Variants in GLE1 observed in about 807,000 individuals in gnomAD.
The protein encoded by GLE1 is GLE1 RNA export mediator, also known as mRNA export factor GLE1.
A neutral mutation model predicts 97.3 loss-of-function variants in GLE1; 78 were observed. The observed-to-expected ratio is 0.80, with a 90% CI of 0.67 to 0.97. The LOEUF is 0.97. Ranked by LOEUF, GLE1 falls within the 50% of genes least tolerant of loss-of-function variation. GLE1 has a pLI of 0.00. For synonymous variants in GLE1, 302 were observed against 313.4 expected, an observed-to-expected ratio of 0.96 and a Z score of 0.39; for missense variants, 753 against 857.5, an observed-to-expected ratio of 0.88 and a Z score of 1.52.
At chr9:128,532,641 T>C in intron 9 of GLE1, 2 of 882,868 alleles carry the variant, frequency 2.3e-6, no homozygotes, top group Non-Finnish European at 2.7e-6. Context: ...CTGTCCTCTC[T>C]ACATCTCCAT....
intron 11 of GLE1, among the ~76,000 whole-genome samples, chr9:128,535,436 C>T (rs1042002829): frequency 1.3e-5 from 2 of 148,800 alleles, no homozygotes; most frequent in Non-Finnish European, 3.0e-5. Context: ...GCAGGAAAAT[C>T]GCTTGTACCC....
chr9:128,533,629 C>A lies in GLE1; in HGVS notation c.1429C>A (p.Gln477Lys). The A allele has an allele frequency of 6.2e-7, 1 of 1,614,008 alleles. No individual in the cohort carries two copies. Among genetic ancestry groups the A allele is most frequent in the South Asian group, 1.1e-5 (1 of 91,070 alleles). ...TLNPQGLDFV[Q>K]YKLAEKFVKQ... is the part of the protein sequence containing the mutation. Reference sequence around the variant, plus strand: ...TAACCCACAGGGGCTGGACTTTGTTCAATACAAACTGGCAGAGAAATTTGT... The same window carrying A: ...TAACCCACAGGGGCTGGACTTTGTTAAATACAAACTGGCAGAGAAATTTGT... Residue 477 changes from glutamine to lysine, a missense_variant, in exon 10 of 16, where the codon CAA becomes AAA. Gln to Lys is a moderately conservative substitution (Grantham distance 53, BLOSUM62 1). Transcript: ENST00000309971.
In GLE1 at chr9:128,515,636, A is replaced by T; in HGVS notation, c.429A>T (p.Gly143=). ...ACGAACTGGTACACAGAATGAAAGG[A>T]ACAGTAAGTGAACCCATGAAGGAAG... The part of the protein sequence containing the change: ...RMYELVHRMK[G]TEGLRLWQEE... Residue 143 remains glycine (G), a synonymous_variant, in exon 3 of 16, where the codon GGA becomes GGT. Coordinates refer to ENST00000309971, the MANE Select transcript of GLE1 (RefSeq NM_001003722.2). 6.5e-7 allele frequency: 1 copy of T among 1,534,700 alleles called. No homozygotes were observed. Among genetic ancestry groups the T allele is most frequent in the South Asian group, 1.1e-5 (1 of 89,498 alleles).
At position 128,504,811 on chromosome 9, in the gene GLE1, G is replaced by T. The variant is rs1846592832; in HGVS notation, c.6G>T (p.Pro2=). 3 of 1,608,890 alleles carry T rather than the reference G, an allele frequency of 1.9e-6. No homozygotes were observed. The highest frequency in any genetic ancestry group is 2.2e-5 in the East Asian group (1 of 44,856). The part of the protein sequence containing the change: M[P]SEGRCWETLK... Reference sequence around the variant, plus strand: ...AAGCTGCCCCTTAGCCAACCATGCCGTCTGAGGGTCGCTGCTGGGAGACCT... The same window carrying T: ...AAGCTGCCCCTTAGCCAACCATGCCTTCTGAGGGTCGCTGCTGGGAGACCT... The change falls in exon 1 of 16, where the codon CCG becomes CCT. Residue 2 remains proline (P), a synonymous_variant. Transcript: ENST00000309971.
chr9:128,520,681 CT>C (rs1034705233), intron 3 of GLE1, among the ~76,000 whole-genome samples: 7 of 151,378 alleles, frequency 4.6e-5, no homozygotes, highest in Middle Eastern at 3.4e-3. Flanking sequence ...TCGTCTGCTT[CT>C]CACACACATC....
intron 1 of GLE1, 74 bp downstream of exon 1, chr9:128,504,978 C>T (rs540114876): frequency 2.1e-6 from 2 of 964,966 alleles, no homozygotes; most frequent in East Asian, 2.4e-5. Flanking sequence ...GCCGTTGGCA[C>T]GTTCTGCTCC....
rs762869304 is a variant in GLE1 at position 128,504,834 on chromosome 9, C to A, written c.29C>A (p.Thr10Asn). 1 of 1,612,842 alleles carries A rather than the reference C, an allele frequency of 6.2e-7. No individual in the cohort carries two copies. The highest frequency in any genetic ancestry group is 1.1e-5 in the South Asian group (1 of 91,076). Reference protein sequence around the residue: MPSEGRCWETLKALRSSDKG... With the variant: MPSEGRCWENLKALRSSDKG... Reference sequence around the variant, plus strand: ...CCGTCTGAGGGTCGCTGCTGGGAGACCTTGAAGGCCCTACGCAGTTCCGAC... The same window carrying A: ...CCGTCTGAGGGTCGCTGCTGGGAGAACTTGAAGGCCCTACGCAGTTCCGAC... Residue 10 changes from threonine (T) to asparagine (N), a missense_variant, in exon 1 of 16, where the codon ACC becomes AAC. By Grantham distance (65) the Thr-to-Asn change is moderately conservative. Transcript: ENST00000309971.
At chr9:128,521,143 T>G (rs753868022) in intron 3 of GLE1, among the ~76,000 whole-genome samples, 2 of 152,178 alleles carry the variant, frequency 1.3e-5, no homozygotes. Context: ...TGTGGTGTTA[T>G]GTCTTTTTTT....
In GLE1 at chr9:128,533,963, T is replaced by G. The variant is rs760464983; in HGVS notation, c.1646+12T>G. The G allele has an allele frequency of 1.3e-6, 2 of 1,554,626 alleles. No homozygotes were observed. Among genetic ancestry groups the G allele is most frequent in the Non-Finnish European group, 1.8e-6 (2 of 1,125,730 alleles). ...GAAGACTATCAGAGGTAAAGTTGTT[T>G]TTCTCCCTACTCACTATCCCTAGAG... On this transcript the variant is annotated intron_variant, in intron 11 of 15. Transcript: ENST00000309971.
chr9:128,515,619 G>C lies in GLE1; in HGVS notation c.412G>C (p.Val138Leu). The C allele has an allele frequency of 6.3e-7, 1 of 1,584,054 alleles. No homozygotes were observed. Among genetic ancestry groups the C allele is most frequent in the South Asian group, 1.1e-5 (1 of 90,482 alleles). The change falls in exon 3 of 16, where the codon GTA becomes CTA. Residue 138 changes from valine (V) to leucine (L), a missense_variant. Coordinates refer to ENST00000309971, the MANE Select transcript of GLE1 (RefSeq NM_001003722.2). ...VEGCVRMYEL[V>L]HRMKGTEGLR... ...AGGCTGCGTCCGAATGTACGAACTG[G>C]TACACAGAATGAAAGGAACAGTAAG... is the stretch of plus-strand genomic sequence containing the variant.
Position 128,523,794 on chromosome 9 carries a change from G to A in GLE1, c.845G>A (p.Arg282Gln), listed in dbSNP as rs148746665. ...GTCGACCTGGCTGCCTTCCAGACCCGAGGCAACCAGCTGTGCAGCCTCATC... is the reference window on the plus strand; with the variant it reads ...GTCGACCTGGCTGCCTTCCAGACCCAAGGCAACCAGCTGTGCAGCCTCATC... ...LKVDLAAFQT[R>Q]GNQLCSLISG... Residue 282 changes from arginine (R) to glutamine (Q), a missense_variant, in exon 6 of 16, where the codon CGA becomes CAA. By Grantham distance (43) the Arg-to-Gln change is conservative (BLOSUM62 1). Coordinates refer to ENST00000309971, the MANE Select transcript of GLE1 (RefSeq NM_001003722.2). 32 of 1,613,842 alleles carry A rather than the reference G, an allele frequency of 2.0e-5. 1 individual carries two copies. The highest frequency in any genetic ancestry group is 4.4e-5 in the South Asian group (4 of 91,078).
At chr9:128,535,240 G>T (rs1437435108) in intron 11 of GLE1, among the ~76,000 whole-genome samples, 1 of 151,556 alleles carries the variant, frequency 6.6e-6, no homozygotes, top group Admixed American at 6.6e-5. Context: ...GGCTGGGCGC[G>T]GTGGCTCACG....
At chr9:128,537,845 G>A in intron 12 of GLE1, 141 bp from the exon 13 acceptor site, 1 of 695,178 alleles carries the variant, frequency 1.4e-6, no homozygotes, top group Non-Finnish European at 2.6e-6. Flanking sequence ...TGTTTAGTTT[G>A]TGTTATTTCT....
At chr9:128,514,903 G>A (rs1846935741) in intron 2 of GLE1, among the ~76,000 whole-genome samples, 1 of 151,904 alleles carries the variant, frequency 6.6e-6, no homozygotes, top group Non-Finnish European at 1.5e-5. Flanking sequence ...TACAGCCTCC[G>A]CCTCCTGGGT....
Position 128,542,036 on chromosome 9 carries a change from T to C in GLE1, c.*866T>C, listed in dbSNP as rs1269826796. On this transcript the variant is annotated 3_prime_UTR_variant, in exon 16 of 16. Coordinates refer to ENST00000309971, the MANE Select transcript of GLE1 (RefSeq NM_001003722.2). ...TGAACACTGCTAATATGATGATAAATATGCCTGACTAAAGCCACTACAGAA... is the reference window on the plus strand; with the variant it reads ...TGAACACTGCTAATATGATGATAAACATGCCTGACTAAAGCCACTACAGAA... 3 of 152,204 alleles carry C rather than the reference T, an allele frequency of 2.0e-5. No homozygotes were observed. Among genetic ancestry groups the C allele is most frequent in the African/African-American group, 7.2e-5 (3 of 41,440 alleles). The allele number at this position is 152,204 out of a possible 1,614,324, so 9.4% of individuals were successfully genotyped here.
intron 3 of GLE1, among the ~76,000 whole-genome samples, chr9:128,516,777 A>T (rs2132434639): frequency 6.6e-6 from 1 of 151,830 alleles, no homozygotes; most frequent in Non-Finnish European, 1.5e-5. Flanking sequence ...GGCGCCTGCC[A>T]CCACGCCTGG....
At chr9:128,507,176 ACATATC>A (rs1177184194) in intron 1 of GLE1, among the ~76,000 whole-genome samples, 4 of 152,176 alleles carry the variant, frequency 2.6e-5, no homozygotes, top group Non-Finnish European at 5.9e-5. Flanking sequence ...GTGTATACAT[ACATATC>A]CATATCTATT....
At chr9:128,540,973 CT>C in intron 15 of GLE1, 128 bp from the exon 16 acceptor site, 2 of 727,290 alleles carry the variant, frequency 2.7e-6, no homozygotes, top group South Asian at 2.9e-5. Context: ...GTCTTACTGG[CT>C]TTTTCCTTTT....
intron 7 of GLE1, 48 bp downstream of exon 7, chr9:128,525,471 T>A (rs1443808015): frequency 8.7e-7 from 1 of 1,146,394 alleles, no homozygotes; most frequent in Admixed American, 2.0e-5. Context: ...GTTTCAAATG[T>A]GAAGAGAAAC....
Sources: allele counts gnomAD v4.1 joint callset (sites outside exome capture counted in the v4.1 genomes callset), GRCh38; gene constraint gnomAD v4.1.1; transcripts MANE v1.5; gene names NCBI Gene and HGNC (gene_info 2026-07-23, HGNC 2026-07-21).